PDE4B: variants seen among roughly 807,000 people sequenced by gnomAD.
The protein encoded by PDE4B is 3',5'-cyclic-AMP phosphodiesterase 4B.
PDE4B carries 20 observed loss-of-function variants against 82.2 expected under a neutral mutation model. The observed-to-expected ratio is 0.24, with a 90% CI of 0.17 to 0.35. PDE4B has a LOEUF of 0.35. Among genes scored for constraint, PDE4B ranks in the 10% least tolerant of loss-of-function variants. PDE4B has a pLI of 1.00. For synonymous variants in PDE4B, 320 were observed against 318.9 expected (o/e 1.00, Z -0.04); for missense variants, 655 against 907.2 (o/e 0.72, Z 3.57).
chr1:65,885,503 C>CAT (rs1646763135), intron 1 of PDE4B, among the ~76,000 whole-genome samples: 1 of 152,194 alleles, frequency 6.6e-6, no homozygotes, highest in Non-Finnish European at 1.5e-5. Context: ...AAATGTGGCA[C>CAT]ATATACACCA....
chr1:66,091,457 C>T (rs532144136), intron 3 of PDE4B, among the ~76,000 whole-genome samples: 8 of 152,160 alleles, frequency 5.3e-5, no homozygotes, highest in African/African-American at 1.9e-4. Flanking sequence ...ATGTTAATGA[C>T]ACTAATAAAT....
At chr1:65,944,426 C>T (rs11208774) in intron 3 of PDE4B, among the ~76,000 whole-genome samples, 61,529 of 151,672 alleles carry the variant, frequency 0.41, 14,582 homozygotes, top group Non-Finnish European at 0.54. Flanking sequence ...TTTTCTCTTC[C>T]TGTAGTGCCC....
intron 3 of PDE4B, among the ~76,000 whole-genome samples, chr1:65,977,452 A>G (rs1485709101): frequency 1.3e-5 from 2 of 152,224 alleles, no homozygotes; most frequent in African/African-American, 4.8e-5. Flanking sequence ...ATTGTTTTCA[A>G]TGAAGTTTTC....
chr1:66,103,774 C>G (rs1645276227), intron 3 of PDE4B, among the ~76,000 whole-genome samples: 2 of 152,042 alleles, frequency 1.3e-5, no homozygotes, highest in Admixed American at 1.3e-4. Flanking sequence ...CATGTGGTCT[C>G]TGAATGAAAT....
chr1:66,279,222 T>TA (rs1014657109), intron 7 of PDE4B, among the ~76,000 whole-genome samples: 2 of 152,140 alleles, frequency 1.3e-5, no homozygotes, highest in Admixed American at 6.5e-5. Context: ...GCATCATAGC[T>TA]CTTTATGTCA....
At chr1:66,160,330 C>T (rs1468552653) in intron 3 of PDE4B, among the ~76,000 whole-genome samples, 1 of 152,228 alleles carries the variant, frequency 6.6e-6, no homozygotes, top group South Asian at 2.1e-4. Context: ...TTTATATGAA[C>T]CAATGGCTTC....
chr1:66,255,599 T>C (rs1254447923), intron 4 of PDE4B, among the ~76,000 whole-genome samples: 1 of 152,242 alleles, frequency 6.6e-6, no homozygotes, highest in Non-Finnish European at 1.5e-5. Flanking sequence ...TTCTCTTCAT[T>C]GGCAGCATCT....
At chr1:66,268,111 T>C (rs2101737317) in intron 7 of PDE4B, among the ~76,000 whole-genome samples, 1 of 152,332 alleles carries the variant, frequency 6.6e-6, no homozygotes, top group East Asian at 1.9e-4. Flanking sequence ...TCTACATCAA[T>C]TTAAACAGAT....
intron 2 of PDE4B, among the ~76,000 whole-genome samples, chr1:65,916,923 C>T (rs1328428872): frequency 1.3e-5 from 2 of 152,106 alleles, no homozygotes; most frequent in African/African-American, 4.8e-5. Context: ...AACTATGATT[C>T]TACTGAATTT....
intron 3 of PDE4B, among the ~76,000 whole-genome samples, chr1:66,020,883 A>T (rs1235362419): frequency 6.6e-6 from 1 of 152,216 alleles, no homozygotes; most frequent in African/African-American, 2.4e-5. Flanking sequence ...TCCTTGAGGA[A>T]TCGCCATACT....
chr1:66,360,016 T>C (rs1009321222), intron 9 of PDE4B, among the ~76,000 whole-genome samples: 1 of 152,194 alleles, frequency 6.6e-6, no homozygotes, highest in Non-Finnish European at 1.5e-5. Context: ...GGGATTGTTA[T>C]TGGTTCTTAA....
chr1:66,100,658 G>A (rs1645203582), intron 3 of PDE4B, among the ~76,000 whole-genome samples: 1 of 152,064 alleles, frequency 6.6e-6, no homozygotes. Context: ...TTGTTGTGAG[G>A]AGAGTATTCT....
chr1:66,176,959 G>A (rs1395436255), intron 3 of PDE4B, among the ~76,000 whole-genome samples: 1 of 152,152 alleles, frequency 6.6e-6, no homozygotes, highest in African/African-American at 2.4e-5. Context: ...TCCTGTCTAG[G>A]TTCCTCCTCT....
chr1:65,932,425 T>G (rs1647888595), intron 3 of PDE4B, among the ~76,000 whole-genome samples: 3 of 152,066 alleles, frequency 2.0e-5, no homozygotes, highest in African/African-American at 7.2e-5. Flanking sequence ...GAAAACAGAT[T>G]GGCAGGTTGG....
intron 3 of PDE4B, among the ~76,000 whole-genome samples, chr1:66,189,527 T>C (rs1405980434): frequency 6.6e-6 from 1 of 152,132 alleles, no homozygotes; most frequent in Non-Finnish European, 1.5e-5. Flanking sequence ...AGGCTTTGTT[T>C]GTTTCTTTTT....
At chr1:66,165,396 A>G (rs879627028) in intron 3 of PDE4B, among the ~76,000 whole-genome samples, 4 of 152,162 alleles carry the variant, frequency 2.6e-5, no homozygotes, top group Non-Finnish European at 2.9e-5. Flanking sequence ...ACTCAAAGAA[A>G]TGCATTTTTC....
intron 1 of PDE4B, among the ~76,000 whole-genome samples, chr1:65,834,047 C>T (rs1048497153): frequency 6.6e-6 from 1 of 152,008 alleles, no homozygotes; most frequent in Admixed American, 6.6e-5. Flanking sequence ...TTCTTTCTTT[C>T]GTTCTCTGTT....
Position 65,984,076 on chromosome 1 carries a change from C to T in PDE4B, c.281+65241C>T, listed in dbSNP as rs77621963. On this transcript the variant is annotated intron_variant, in intron 3 of 16. Transcript: ENST00000341517. ...TTATAATTGAGCTCAAAACTAGAAA[C>T]AGCCCAATTGTCCTTCAGTGGGCAA... 9.9e-3 allele frequency among the ~76,000 whole-genome samples: 1,505 copies of T among 152,246 alleles called. 21 individuals are homozygous for T. The highest frequency in any genetic ancestry group is 0.034 in the African/African-American group (1,420 of 41,544).
chr1:65,904,673 T>C (rs548870555), intron 1 of PDE4B, among the ~76,000 whole-genome samples: 17 of 152,160 alleles, frequency 1.1e-4, no homozygotes, highest in Non-Finnish European at 2.5e-4. Context: ...TATTTGCTGC[T>C]TCCAAGTGGC....
Sources: gnomAD v4.1 joint callset for allele counts (sites outside exome capture counted in the v4.1 genomes callset) on GRCh38, gnomAD v4.1.1 for gene constraint, MANE v1.5 for transcripts, NCBI Gene and HGNC (gene_info 2026-07-23, HGNC 2026-07-21) for gene names.